Variants in ENTPD1 observed in about 807,000 individuals in gnomAD.
ENTPD1 encodes ectonucleoside triphosphate diphosphohydrolase 1, also known as ATP diphosphohydrolase.
A neutral mutation model predicts 57.0 loss-of-function variants in ENTPD1; 33 were observed. That is an observed-to-expected ratio of 0.58 (90% CI 0.44 to 0.77). The LOEUF is 0.77. Ranked by LOEUF, ENTPD1 falls within the 30% of genes least tolerant of loss-of-function variation. The pLI is 0.00. For synonymous variants in ENTPD1, 202 were observed against 218.8 expected (o/e 0.92, Z 0.68); for missense variants, 501 against 603.4 (o/e 0.83, Z 1.78).
Position 95,847,274 on chromosome 10 carries a change from C to T in ENTPD1, c.814-172C>T, listed in dbSNP as rs570123982. ...GATACCACTTCTGGTGCCTGTTACA[C>T]AAATCCATTTTTCATATTTATTCCT... On this transcript the variant is annotated intron_variant, in intron 6 of 9. Coordinates refer to ENST00000371205, the MANE Select transcript of ENTPD1 (RefSeq NM_001776.6). 1.6e-4 allele frequency: 118 copies of T among 742,714 alleles called. No individual in the cohort carries two copies. In the African/African-American group the frequency reaches 1.9e-3, roughly 12 times the overall value. 46.0% of individuals were successfully genotyped at this position (742,714 alleles called of 1,614,324 possible). A position where few individuals can be genotyped will look rare whatever the true frequency, so the allele number is the denominator to read the frequency against.
intron 1 of ENTPD1, among the ~76,000 whole-genome samples, chr10:95,746,260 AGAGTCTGTGTTGG>A (rs1301255853): frequency 6.6e-6 from 1 of 152,222 alleles, no homozygotes; most frequent in Non-Finnish European, 1.5e-5. Flanking sequence ...CCTATGTGCC[AGAGTCTGTGTTGG>A]GAGTTCTCAC....
chr10:95,851,385 T>C (rs2098444769), intron 7 of ENTPD1, among the ~76,000 whole-genome samples: 1 of 152,036 alleles, frequency 6.6e-6, no homozygotes. Context: ...ATAACACCAA[T>C]AAAATCCCCA....
intron 7 of ENTPD1, among the ~76,000 whole-genome samples, chr10:95,856,156 A>G (rs1365061933): frequency 6.6e-6 from 1 of 152,078 alleles, no homozygotes; most frequent in Non-Finnish European, 1.5e-5. Flanking sequence ...TTTTTTCTCT[A>G]AACTTCCCTT....
Position 95,864,824 on chromosome 10 carries a change from C to A in ENTPD1, c.1289C>A (p.Thr430Lys). 1 of 1,613,888 alleles carries A rather than the reference C, an allele frequency of 6.2e-7. No individual in the cohort carries two copies. The highest frequency in any genetic ancestry group is 8.5e-7 in the Non-Finnish European group (1 of 1,180,030). ...LSLLLQGYHF[T>K]ADSWEHIHFI... ...CTCCTTCTGCAAGGCTATCATTTCACAGCTGATTCCTGGGAGCACATCCAT... is the reference window on the plus strand; with the variant it reads ...CTCCTTCTGCAAGGCTATCATTTCAAAGCTGATTCCTGGGAGCACATCCAT... The change falls in exon 9 of 10, where the codon ACA becomes AAA. Residue 430 changes from threonine to lysine, a missense_variant. Physicochemically the swap from Thr to Lys is moderately conservative, Grantham distance 78. Transcript: ENST00000371205.
chr10:95,836,762 G>A (rs1245312078), intron 2 of ENTPD1, among the ~76,000 whole-genome samples: 1 of 152,150 alleles, frequency 6.6e-6, no homozygotes, highest in African/African-American at 2.4e-5. Flanking sequence ...TGTAGGCCTC[G>A]TACTCTCTGG....
At chr10:95,778,708 C>T (rs1293617770) in intron 1 of ENTPD1, among the ~76,000 whole-genome samples, 1 of 152,014 alleles carries the variant, frequency 6.6e-6, no homozygotes, top group Non-Finnish European at 1.5e-5. Context: ...TAAAATTGTA[C>T]ACTTTTTTGG....
At chr10:95,702,571 C>T in the ENTPD1 span, among the ~76,000 whole-genome samples, 1 of 151,746 alleles carries the variant, frequency 6.6e-6, no homozygotes, top group East Asian at 1.9e-4. Context: ...ATGGGGTAGA[C>T]ACAGCAATAT....
chr10:95,844,521 G>C lies in ENTPD1; in HGVS notation c.459G>C (p.Glu153Asp). 6.2e-7 allele frequency: 1 copy of C among 1,614,230 alleles called. No individual in the cohort carries two copies. Among genetic ancestry groups the C allele is most frequent in the Non-Finnish European group, 8.5e-7 (1 of 1,180,034 alleles). ...CAGACAGGGTTCTGGATGTGGTGGA[G>C]AGGAGCCTCAGCAACTACCCCTTTG... Reference protein sequence around the residue: ...ELADRVLDVVERSLSNYPFDF... With the variant: ...ELADRVLDVVDRSLSNYPFDF... The change falls in exon 5 of 10, where the codon GAG becomes GAC. Residue 153 changes from glutamate to aspartate, a missense_variant. By Grantham distance (45) the Glu-to-Asp change is conservative (BLOSUM62 2). Transcript: ENST00000371205.
At chr10:95,787,128 C>T (rs2098183132) in intron 1 of ENTPD1, among the ~76,000 whole-genome samples, 1 of 152,000 alleles carries the variant, frequency 6.6e-6, no homozygotes, top group Non-Finnish European at 1.5e-5. Context: ...AGGTGCTGGG[C>T]CATGGTCTTT....
At chr10:95,769,217 C>A (rs139131622) in intron 1 of ENTPD1, among the ~76,000 whole-genome samples, 1 of 152,318 alleles carries the variant, frequency 6.6e-6, no homozygotes, top group African/African-American at 2.4e-5. Context: ...CAGGAAGGAG[C>A]CTTTGCTCCT....
In ENTPD1 at chr10:95,866,538, T is replaced by C; in HGVS notation, c.*155T>C. The C allele has an allele frequency of 6.6e-6, 10 of 1,512,136 alleles. No individual in the cohort carries two copies. The highest frequency in any genetic ancestry group is 8.8e-6 in the Non-Finnish European group (10 of 1,134,314). 93.7% of individuals were successfully genotyped at this position (1,512,136 alleles called of 1,614,324 possible). A position where few individuals can be genotyped will look rare whatever the true frequency, so the allele number is the denominator to read the frequency against. ...TTGGCTTTTACTGAAGCCTTTCTTT[T>C]GGAGGTATTCAATATCCTTTGCCTC... On this transcript the variant is annotated 3_prime_UTR_variant, in exon 10 of 10. Transcript: ENST00000371205.
At chr10:95,818,511 G>A (rs2098337669) in intron 1 of ENTPD1, among the ~76,000 whole-genome samples, 1 of 152,182 alleles carries the variant, frequency 6.6e-6, no homozygotes, top group South Asian at 2.1e-4. Flanking sequence ...GATTCTGATA[G>A]AGAAGATAAT....
intron 1 of ENTPD1, among the ~76,000 whole-genome samples, chr10:95,716,445 G>A (rs1452935054): frequency 6.6e-6 from 1 of 152,158 alleles, no homozygotes; most frequent in African/African-American, 2.4e-5. Flanking sequence ...CCAGTGTAAC[G>A]GGTTGAGAGG....
intron 2 of ENTPD1, among the ~76,000 whole-genome samples, chr10:95,837,994 C>T (rs879313806): frequency 2.0e-5 from 3 of 149,774 alleles, no homozygotes; most frequent in Non-Finnish European, 3.0e-5. Flanking sequence ...CACACACCCA[C>T]ACACACCCAC....
chr10:95,867,791 G>C lies in ENTPD1; in HGVS notation c.*1408G>C. ...AGATCTGGGGACTGACTGTTGAGCT[G>C]ATGGGGAAAGAAAAGCTCTCACACA... On this transcript the variant is annotated 3_prime_UTR_variant, in exon 10 of 10. Transcript: ENST00000371205. The C allele has an allele frequency of 1.0e-6, 1 of 985,424 alleles. No homozygotes were observed. Among genetic ancestry groups the C allele is most frequent in the Non-Finnish European group, 1.2e-6 (1 of 829,918 alleles). The allele number at this position is 985,424 out of a possible 1,614,324, so 61.0% of individuals were successfully genotyped here. A position where few individuals can be genotyped will look rare whatever the true frequency, so the allele number is the denominator to read the frequency against.
At chr10:95,731,939 C>T (rs971982406) in intron 1 of ENTPD1, among the ~76,000 whole-genome samples, 5 of 151,618 alleles carry the variant, frequency 3.3e-5, no homozygotes, top group South Asian at 2.1e-4. Flanking sequence ...CCTGCTACCA[C>T]GCCCGGCTAA....
At chr10:95,864,515 A>G (rs913442253) in intron 8 of ENTPD1, among the ~76,000 whole-genome samples, 1 of 152,210 alleles carries the variant, frequency 6.6e-6, no homozygotes, top group African/African-American at 2.4e-5. Flanking sequence ...CCTGTGCAGG[A>G]AAAGCTTCCT....
intron 1 of ENTPD1, among the ~76,000 whole-genome samples, chr10:95,732,392 AC>A (rs2097990216): frequency 6.6e-6 from 1 of 152,114 alleles, no homozygotes; most frequent in African/African-American, 2.4e-5. Context: ...GCTATTCCAC[AC>A]CCAGCCATCT....
At chr10:95,755,470 T>C, upstream of ENTPD1, 1 of 557,642 alleles carries the variant, frequency 1.8e-6, no homozygotes, top group Non-Finnish European at 3.2e-6. Flanking sequence ...CTTGACGGTC[T>C]GGATGTGGTA....
Sources: gnomAD v4.1 joint callset for allele counts (sites outside exome capture counted in the v4.1 genomes callset) on GRCh38, gnomAD v4.1.1 for gene constraint, MANE v1.5 for transcripts, NCBI Gene and HGNC (gene_info 2026-07-23, HGNC 2026-07-21) for gene names.